ZNF496: variants seen among roughly 807,000 people sequenced by gnomAD.
ZNF496 encodes NSD1 (nuclear receptor binding SET-domain containing 1)-interacting zinc finger protein 1.
A neutral mutation model predicts 58.9 loss-of-function variants in ZNF496; 11 were observed. The ratio of observed to expected loss-of-function variants is 0.19; its 90% CI spans 0.12 to 0.31. The LOEUF is 0.31. Ranked by LOEUF, ZNF496 falls within the 10% of genes least tolerant of loss-of-function variation. The probability of loss-of-function intolerance (pLI) is 1.00; values close to 1 mark genes in which losing one functional copy is unlikely to be tolerated. For missense variants in ZNF496, 660 were observed against 783.0 expected (o/e 0.84, Z 1.88); for synonymous variants, 338 against 318.2 (o/e 1.06, Z -0.66).
chr1:247,307,786 G>A, intron 9 of ZNF496: 1 of 985,406 alleles, frequency 1.0e-6, no homozygotes, highest in Non-Finnish European at 1.2e-6. Context: ...TGACACGTGG[G>A]TTCAGGTAAG....
intron 6 of ZNF496, among the ~76,000 whole-genome samples, chr1:247,317,148 C>A (rs1659807208): frequency 6.6e-6 from 1 of 152,134 alleles, no homozygotes; most frequent in Admixed American, 6.5e-5. Context: ...CTGGACATTG[C>A]ATATAAAATG....
intron 6 of ZNF496, among the ~76,000 whole-genome samples, chr1:247,320,452 C>T (rs2103028079): frequency 6.6e-6 from 1 of 152,246 alleles, no homozygotes; most frequent in Non-Finnish European, 1.5e-5. Context: ...AAAAACAGAT[C>T]AGTGGTTGCC....
rs1307898689 is a variant in ZNF496 at position 247,298,859 on chromosome 1, C to T, written c.*1660G>A. 1 of 152,242 alleles carries T rather than the reference C, an allele frequency of 6.6e-6. No individual in the cohort carries two copies. Among genetic ancestry groups the T allele is most frequent in the Non-Finnish European group, 1.5e-5 (1 of 68,056 alleles). 9.4% of individuals were successfully genotyped at this position (152,242 alleles called of 1,614,324 possible). ...TGCTTGAGGTTTCACTACCTGCTGT[C>T]ACTCTCAGTCCGGAATCCCAGCAGG... On this transcript the variant is annotated 3_prime_UTR_variant, in exon 10 of 10. Coordinates refer to ENST00000682384, the MANE Select transcript of ZNF496 (RefSeq NM_032752.3).
chr1:247,323,600 T>G (rs1660027659), intron 5 of ZNF496, among the ~76,000 whole-genome samples: 1 of 151,892 alleles, frequency 6.6e-6, no homozygotes, highest in South Asian at 2.1e-4. Flanking sequence ...TTATCCAAAC[T>G]ATGGGAAAAT....
chr1:247,311,454 CACACACACAT>C (rs978960824), intron 6 of ZNF496: 4 of 132,436 alleles, frequency 3.0e-5, no homozygotes, highest in South Asian at 5.2e-4. Flanking sequence ...CACACACACA[CACACACACAT>C]ATATAGTGGT....
At position 247,309,351 on chromosome 1, in the gene ZNF496, C is replaced by A; in HGVS notation, c.892+348G>T. 9.1e-7 allele frequency: 1 copy of A among 1,098,920 alleles called. No individual in the cohort carries two copies. The highest frequency in any genetic ancestry group is 7.0e-5 in the East Asian group (1 of 14,332). 68.1% of individuals were successfully genotyped at this position (1,098,920 alleles called of 1,614,324 possible). A position where few individuals can be genotyped will look rare whatever the true frequency, so the allele number is the denominator to read the frequency against. ...GCGCTCGGTGCCCAGTTAGGAGACACTCCCTCTGCAACTAGGCTTGTCATG... is the reference window on the plus strand; with the variant it reads ...GCGCTCGGTGCCCAGTTAGGAGACAATCCCTCTGCAACTAGGCTTGTCATG... On this transcript the variant is annotated intron_variant, in intron 8 of 9. Coordinates refer to ENST00000682384, the MANE Select transcript of ZNF496 (RefSeq NM_032752.3). The surrounding 1 kb of genome is among the most constrained non-coding windows in gnomAD (Gnocchi z 4.3).
intron 6 of ZNF496, among the ~76,000 whole-genome samples, chr1:247,316,764 C>T (rs1458057881): frequency 1.3e-5 from 2 of 152,300 alleles, no homozygotes; most frequent in South Asian, 2.1e-4. Flanking sequence ...ACAGACAGTG[C>T]TCCAGTCACC....
rs755501091 is a variant in ZNF496 at position 247,301,097 on chromosome 1, C to T, written c.1186G>A (p.Gly396Arg). The change falls in exon 10 of 10, where the codon GGA (glycine) becomes AGA (arginine). Residue 396 changes from glycine to arginine, a missense_variant. Gly to Arg is a moderately radical substitution (Grantham distance 125, BLOSUM62 -2). Transcript: ENST00000682384. ...PASHRSSTEA[G>R]GEVQTSKKSY... is the part of the protein sequence containing the mutation. ...TTCTTGGAGGTCTGCACCTCGCCTCCGGCCTCGGTGCTGCTCCGGTGGGAG... is the reference window on the plus strand; with the variant it reads ...TTCTTGGAGGTCTGCACCTCGCCTCTGGCCTCGGTGCTGCTCCGGTGGGAG... 2.3e-5 allele frequency: 37 copies of T among 1,613,704 alleles called. No homozygotes were observed. The highest frequency in any genetic ancestry group is 1.0e-4 in the Admixed American group (6 of 60,016).
chr1:247,330,888 A>G (rs1660300585), intron 2 of ZNF496, among the ~76,000 whole-genome samples: 1 of 152,266 alleles, frequency 6.6e-6, no homozygotes, highest in East Asian at 1.9e-4. Context: ...AGAAACACCC[A>G]CTGCTCTGAA....
At chr1:247,324,737 T>A (rs1660069115) in intron 5 of ZNF496, among the ~76,000 whole-genome samples, 1 of 152,222 alleles carries the variant, frequency 6.6e-6, no homozygotes, top group African/African-American at 2.4e-5. Context: ...ATACAATTTT[T>A]TTTTGTCAAT....
chr1:247,326,049 TACAC>T (rs141893407), intron 5 of ZNF496, among the ~76,000 whole-genome samples: 12,310 of 95,284 alleles, frequency 0.13, 643 homozygotes, highest in Middle Eastern at 0.3. Flanking sequence ...TATATATATA[TACAC>T]ACACACACAC....
rs1659563203 is a variant in ZNF496 at position 247,310,444 on chromosome 1, G to C, written c.664C>G (p.Pro222Ala). 2 of 1,614,166 alleles carry C rather than the reference G, an allele frequency of 1.2e-6. No homozygotes were observed. The highest frequency in any genetic ancestry group is 1.7e-6 in the Non-Finnish European group (2 of 1,180,036). The part of the protein sequence containing the change: ...TLQLPPSRVS[P>A]FKDMILCFSE... The stretch of plus-strand genomic sequence containing the variant: ...AAGCATAAAATCATGTCCTTGAATG[G>C]AGAAACCCGACTCTGAAAGCACAGG... Residue 222 changes from proline to alanine, a missense_variant, in exon 7 of 10, where the codon CCA becomes GCA. Physicochemically the swap from Pro to Ala is conservative, Grantham distance 27 (BLOSUM62 -1). Transcript: ENST00000682384.
chr1:247,305,048 T>A (rs1424064364), intron 9 of ZNF496, among the ~76,000 whole-genome samples: 2 of 152,142 alleles, frequency 1.3e-5, no homozygotes, highest in African/African-American at 4.8e-5. Flanking sequence ...GTCCCAAAAT[T>A]TCATGTTGAA....
chr1:247,308,614 T>A lies in ZNF496; in HGVS notation c.893-26A>T. 2 of 1,604,216 alleles carry A rather than the reference T, an allele frequency of 1.2e-6. No homozygotes were observed. Among genetic ancestry groups the A allele is most frequent in the Non-Finnish European group, 8.5e-7 (1 of 1,171,244 alleles). On this transcript the variant is annotated intron_variant, in intron 8 of 9. Transcript: ENST00000682384. This position sits in a 1 kb window ranked among gnomAD's most constrained non-coding sequence, Gnocchi z 4.5. The stretch of plus-strand genomic sequence containing the variant: ...CTTTCCAGAGGAGGAAATGGAAAAA[T>A]TGATTTGTTTTGCACCTACAGCACT...
chr1:247,300,368 G>T lies in ZNF496; in HGVS notation c.*151C>A. The T allele has an allele frequency of 1.3e-6, 1 of 759,886 alleles. No individual in the cohort carries two copies. Among genetic ancestry groups the T allele is most frequent in the Non-Finnish European group, 2.0e-6 (1 of 509,854 alleles). 47.1% of individuals were successfully genotyped at this position (759,886 alleles called of 1,614,324 possible). A position where few individuals can be genotyped will look rare whatever the true frequency, so the allele number is the denominator to read the frequency against. On this transcript the variant is annotated 3_prime_UTR_variant, in exon 10 of 10. Coordinates refer to ENST00000682384, the MANE Select transcript of ZNF496 (RefSeq NM_032752.3). This position sits in a 1 kb window ranked among gnomAD's most constrained non-coding sequence, Gnocchi z 5.7. ...CTGGGGGAGGGAGAGTGCTCCCATG[G>T]CACCACCCGAACGCTCACTACCTGA... is the stretch of plus-strand genomic sequence containing the variant.
chr1:247,322,567 G>C (rs1417130078), intron 6 of ZNF496: 4 of 414,462 alleles, frequency 9.7e-6, no homozygotes, highest in Non-Finnish European at 1.7e-5. Context: ...AACTGGGCTA[G>C]AGAGAGGCGA....
intron 6 of ZNF496, among the ~76,000 whole-genome samples, chr1:247,321,538 A>T (rs1377581485): frequency 6.6e-6 from 1 of 152,232 alleles, no homozygotes; most frequent in East Asian, 1.9e-4. Context: ...CCACAATTAA[A>T]AACAGAAATT....
At chr1:247,302,640 G>A (rs1659284456) in intron 9 of ZNF496, among the ~76,000 whole-genome samples, 2 of 152,068 alleles carry the variant, frequency 1.3e-5, no homozygotes, top group South Asian at 2.1e-4. Flanking sequence ...TGCGCCCGCC[G>A]AGAGGCTATG....
intron 9 of ZNF496, chr1:247,307,487 C>T: frequency 1.0e-6 from 1 of 985,444 alleles, no homozygotes; most frequent in Non-Finnish European, 1.2e-6. Flanking sequence ...GCACCACAAA[C>T]ATCAGGCCTG....
Sources: allele counts gnomAD v4.1 joint callset (sites outside exome capture counted in the v4.1 genomes callset), GRCh38; gene constraint gnomAD v4.1.1; non-coding constraint Gnocchi (gnomAD v3.1); transcripts MANE v1.5; gene names NCBI Gene and HGNC (gene_info 2026-07-23, HGNC 2026-07-21).